The following IMMP2L variants were observed in gnomAD, a reference collection of about 807,000 sequenced individuals.
IMMP2L encodes the protein inner mitochondrial membrane peptidase subunit 2.
IMMP2L carries 18 observed loss-of-function variants against 19.3 expected under a neutral mutation model. That is an observed-to-expected ratio of 0.93 (90% CI 0.64 to 1.38). The LOEUF (loss-of-function observed/expected upper bound fraction) is 1.38, where lower values mean the gene tolerates loss of function less well. IMMP2L is among the 40% of genes most tolerant of loss of function. The pLI, the probability that IMMP2L is intolerant of heterozygous loss-of-function variation, is 0.00. For synonymous variants in IMMP2L, 76 were observed against 73.0 expected (o/e 1.04, Z -0.21); for missense variants, 233 against 218.2 (o/e 1.07, Z -0.43).
intron 3 of IMMP2L, among the ~76,000 whole-genome samples, chr7:111,237,927 G>C (rs1409311105): frequency 6.6e-6 from 1 of 151,982 alleles, no homozygotes; most frequent in Admixed American, 6.6e-5. Flanking sequence ...ATCCAATAAA[G>C]TAGCTGTAAT....
intron 5 of IMMP2L, among the ~76,000 whole-genome samples, chr7:110,696,686 A>G (rs1408424949): frequency 6.6e-6 from 1 of 152,114 alleles, no homozygotes; most frequent in Admixed American, 6.5e-5. Flanking sequence ...TCAGCCTCCC[A>G]GAATGCTAGG....
At chr7:111,111,271 C>A (rs76906985) in intron 3 of IMMP2L, among the ~76,000 whole-genome samples, 1 of 146,726 alleles carries the variant, frequency 6.8e-6, no homozygotes, top group African/African-American at 2.5e-5. Context: ...GTGGGCATAT[C>A]GCCCATGCTC....
At chr7:110,956,775 T>C (rs1021736505) in intron 4 of IMMP2L, among the ~76,000 whole-genome samples, 2 of 151,754 alleles carry the variant, frequency 1.3e-5, no homozygotes, top group South Asian at 2.1e-4. Context: ...AGAGGAAAAA[T>C]GATGCTGGAC....
In IMMP2L at chr7:110,979,614, C is replaced by T. The variant is rs139934659; in HGVS notation, c.240-16049G>A. On this transcript the variant is annotated intron_variant, in intron 3 of 5. Coordinates refer to ENST00000405709, the MANE Select transcript of IMMP2L (RefSeq NM_032549.4). The stretch of plus-strand genomic sequence containing the variant: ...TGTATACATATGTAACCAACCTGCA[C>T]GTTGTGCACATGTACCCTAGAACTT... 4.0e-3 allele frequency among the ~76,000 whole-genome samples: 609 copies of T among 151,730 alleles called. 4 individuals are homozygous for T. Among genetic ancestry groups the T allele is most frequent in the African/African-American group, 0.014 (588 of 41,334 alleles).
chr7:111,453,311 A>C (rs1277991584), intron 3 of IMMP2L, among the ~76,000 whole-genome samples: 1 of 151,960 alleles, frequency 6.6e-6, no homozygotes, highest in Non-Finnish European at 1.5e-5. Flanking sequence ...TACATTTACC[A>C]CCTTAATTAT....
At chr7:111,288,384 C>T (rs553682645) in intron 3 of IMMP2L, among the ~76,000 whole-genome samples, 2 of 152,232 alleles carry the variant, frequency 1.3e-5, no homozygotes, top group African/African-American at 4.8e-5. Context: ...TGGGAAAAGA[C>T]TTCATGACTA....
chr7:111,489,567 A>T (rs1328929425), intron 2 of IMMP2L, among the ~76,000 whole-genome samples: 1 of 152,204 alleles, frequency 6.6e-6, no homozygotes, highest in Non-Finnish European at 1.5e-5. Flanking sequence ...TCCCTGGAGC[A>T]GTAATGACGT....
At chr7:110,738,794 G>A (rs997898543) in intron 5 of IMMP2L, among the ~76,000 whole-genome samples, 1 of 152,186 alleles carries the variant, frequency 6.6e-6, no homozygotes, top group East Asian at 1.9e-4. Context: ...ACAAAGGAAA[G>A]AATCTGAAGA....
At chr7:111,299,397 T>C (rs188664509) in intron 3 of IMMP2L, among the ~76,000 whole-genome samples, 2 of 152,280 alleles carry the variant, frequency 1.3e-5, no homozygotes, top group East Asian at 3.9e-4. Context: ...CATCACTGAA[T>C]GCCTACTATA....
chr7:111,196,805 G>A (rs1210438869), intron 3 of IMMP2L, among the ~76,000 whole-genome samples: 1 of 151,932 alleles, frequency 6.6e-6, no homozygotes, highest in African/African-American at 2.4e-5. Flanking sequence ...AGATCTTTAC[G>A]TAAACGCTCT....
At chr7:110,795,559 T>A (rs934385624) in intron 5 of IMMP2L, among the ~76,000 whole-genome samples, 1 of 152,028 alleles carries the variant, frequency 6.6e-6, no homozygotes, top group African/African-American at 2.4e-5. Flanking sequence ...AGCATAAGCA[T>A]AGCAGCCATA....
intron 5 of IMMP2L, among the ~76,000 whole-genome samples, chr7:110,719,815 C>T (rs1395579636): frequency 1.3e-5 from 2 of 152,140 alleles, no homozygotes; most frequent in African/African-American, 4.8e-5. Context: ...CATGCTTTAT[C>T]CTGTGGTTCT....
At chr7:110,809,303 C>G (rs1421052193) in intron 5 of IMMP2L, among the ~76,000 whole-genome samples, 1 of 151,996 alleles carries the variant, frequency 6.6e-6, no homozygotes, top group Admixed American at 6.6e-5. Flanking sequence ...AACAAATACT[C>G]TTAGACATTG....
At chr7:111,036,672 T>C (rs1438015429) in intron 3 of IMMP2L, among the ~76,000 whole-genome samples, 4 of 152,150 alleles carry the variant, frequency 2.6e-5, no homozygotes, top group Non-Finnish European at 5.9e-5. Context: ...ATTTTATTGA[T>C]GTTACACATC....
chr7:110,918,024 C>G (rs1439169559), intron 4 of IMMP2L, among the ~76,000 whole-genome samples: 1 of 152,150 alleles, frequency 6.6e-6, no homozygotes, highest in Admixed American at 6.6e-5. Flanking sequence ...ACTTCACTTT[C>G]AATCATCCAC....
At chr7:111,221,499 C>G (rs532959387) in intron 3 of IMMP2L, among the ~76,000 whole-genome samples, 2 of 150,388 alleles carry the variant, frequency 1.3e-5, no homozygotes, top group South Asian at 2.1e-4. Context: ...AATACTGAAA[C>G]AGAGAGAGAG....
At chr7:111,065,575 G>A (rs1295081134) in intron 3 of IMMP2L, among the ~76,000 whole-genome samples, 2 of 152,156 alleles carry the variant, frequency 1.3e-5, no homozygotes, top group Non-Finnish European at 2.9e-5. Flanking sequence ...TCTTAATTTG[G>A]ATGGGCACCA....
chr7:110,853,215 G>T (rs1806423663), intron 5 of IMMP2L, among the ~76,000 whole-genome samples: 1 of 151,764 alleles, frequency 6.6e-6, no homozygotes, highest in African/African-American at 2.4e-5. Flanking sequence ...AAAAAATCAT[G>T]ATGTTAGGCC....
rs1382631600 is a variant in IMMP2L at position 111,538,817 on chromosome 7, A to G, written c.-2-17368T>C. On this transcript the variant is annotated intron_variant, in intron 1 of 5. Transcript: ENST00000405709. ...AGAGCAATGAGACCCTGGCTCATTT[A>G]AAAAAAAAAAAAAAAAAAAAAGGCT... Among the ~76,000 whole-genome samples the G allele has an allele frequency of 1.3e-4, 12 of 92,854 alleles. No individual in the cohort carries two copies. The South Asian group carries it at 1.7e-3, about 13-fold the overall frequency. The allele number at this position is 92,854 out of a possible 152,430, so 60.9% of individuals were successfully genotyped here.
Sources: gnomAD v4.1 joint callset for allele counts (sites outside exome capture counted in the v4.1 genomes callset) on GRCh38, gnomAD v4.1.1 for gene constraint, MANE v1.5 for transcripts, NCBI Gene and HGNC (gene_info 2026-07-23, HGNC 2026-07-21) for gene names.